The following RBL1 variants were observed in gnomAD, a reference collection of about 807,000 sequenced individuals.
The protein encoded by RBL1 is RB transcriptional corepressor like 1.
In RBL1, 82 loss-of-function variants were observed where a neutral mutation model predicts 123.0. The ratio of observed to expected loss-of-function variants is 0.67; its 90% confidence interval spans 0.56 to 0.80. The LOEUF (loss-of-function observed/expected upper bound fraction) is 0.80. Ranked by LOEUF, RBL1 falls within the 30% of genes least tolerant of loss-of-function variation. The pLI, the probability that RBL1 is intolerant of heterozygous loss-of-function variation, is 0.00. For missense variants in RBL1, 1,171 were observed against 1,299.6 expected (o/e 0.90, Z 1.52); for synonymous variants, 405 against 441.3 (o/e 0.92, Z 1.03).
Position 37,052,741 on chromosome 20 carries a change from C to T in RBL1, c.1467+2812G>A, listed in dbSNP as rs2064938989. Among the ~76,000 whole-genome samples, 4 of 152,166 alleles carry T rather than the reference C, an allele frequency of 2.6e-5. No homozygotes were observed. In the South Asian group the frequency reaches 8.3e-4, roughly 32 times the overall value. On this transcript the variant is annotated intron_variant, in intron 11 of 21. Coordinates refer to ENST00000373664, the MANE Select transcript of RBL1 (RefSeq NM_002895.5). ...GTCAGGCTGGTCTCGAACTCCTGACCTCAGGTGATCCACTTGCCTCAGTCT... is the reference window on the plus strand; with the variant it reads ...GTCAGGCTGGTCTCGAACTCCTGACTTCAGGTGATCCACTTGCCTCAGTCT...
intron 19 of RBL1, among the ~76,000 whole-genome samples, chr20:37,012,405 A>T (rs1336909927): frequency 6.9e-6 from 1 of 145,004 alleles, no homozygotes; most frequent in African/African-American, 2.6e-5. Context: ...CCGCCATCCC[A>T]TCTAGGAAGT....
intron 12 of RBL1, among the ~76,000 whole-genome samples, chr20:37,045,601 G>C (rs927298267): frequency 6.6e-6 from 1 of 151,916 alleles, no homozygotes; most frequent in Non-Finnish European, 1.5e-5. Context: ...GAAAAAAAAG[G>C]CATTTAGCTG....
intron 18 of RBL1, among the ~76,000 whole-genome samples, chr20:37,020,071 A>C (rs1450014366): frequency 1.3e-5 from 2 of 150,362 alleles, no homozygotes; most frequent in Non-Finnish European, 3.0e-5. Flanking sequence ...AAAGAATATT[A>C]TTATTATTAT....
chr20:37,039,603 T>TC (rs1486527670), intron 14 of RBL1, among the ~76,000 whole-genome samples: 2 of 152,222 alleles, frequency 1.3e-5, no homozygotes, highest in Non-Finnish European at 2.9e-5. Context: ...TCCACCATGA[T>TC]CGTGAGGCCT....
intron 2 of RBL1, among the ~76,000 whole-genome samples, chr20:37,069,991 G>C (rs1227766341): frequency 1.3e-5 from 2 of 152,180 alleles, no homozygotes; most frequent in African/African-American, 2.4e-5. Flanking sequence ...CATTGAGAAC[G>C]GGCCAGGATG....
intron 20 of RBL1, among the ~76,000 whole-genome samples, chr20:37,007,111 TG>T (rs1485459476): frequency 1.3e-5 from 2 of 151,788 alleles, no homozygotes; most frequent in Non-Finnish European, 2.9e-5. Flanking sequence ...TAGCTAGGCG[TG>T]GGGGCATGTG....
intron 2 of RBL1, among the ~76,000 whole-genome samples, chr20:37,068,899 G>A (rs1416802735): frequency 6.6e-6 from 1 of 152,220 alleles, no homozygotes; most frequent in African/African-American, 2.4e-5. Flanking sequence ...CTCATGCTGA[G>A]CCGAAGCTGG....
chr20:37,062,012 T>C (rs1242620268), intron 8 of RBL1, 72 bp downstream of exon 8: 1 of 1,399,640 alleles, frequency 7.1e-7, no homozygotes, highest in Non-Finnish European at 9.5e-7. Context: ...GAAAGATGCT[T>C]CTGCTGTTAG....
At chr20:37,076,486 G>C (rs1170285254) in intron 2 of RBL1, among the ~76,000 whole-genome samples, 2 of 152,218 alleles carry the variant, frequency 1.3e-5, no homozygotes, top group Non-Finnish European at 2.9e-5. Context: ...CAGGCAGGTA[G>C]CATACACAGC....
chr20:37,088,094 C>T (rs955829986), intron 2 of RBL1, among the ~76,000 whole-genome samples: 6 of 151,850 alleles, frequency 4.0e-5, no homozygotes, highest in Admixed American at 2.6e-4. Flanking sequence ...GGAGTAACTC[C>T]GTCTCTACTA....
intron 2 of RBL1, 139 bp downstream of exon 2, chr20:37,088,850 G>C (rs1380674134): frequency 1.9e-6 from 1 of 516,022 alleles, no homozygotes; most frequent in Admixed American, 5.0e-5. Flanking sequence ...CTGGCACAGT[G>C]AGACTGCGTC....
chr20:37,077,008 C>T (rs939164373), intron 2 of RBL1, among the ~76,000 whole-genome samples: 12 of 150,186 alleles, frequency 8.0e-5, no homozygotes, highest in Non-Finnish European at 1.6e-4. Context: ...ACAATCGCGG[C>T]TCACTGCAAT....
intron 16 of RBL1, among the ~76,000 whole-genome samples, chr20:37,028,777 AC>A (rs1418156114): frequency 6.6e-6 from 1 of 152,172 alleles, no homozygotes; most frequent in Non-Finnish European, 1.5e-5. Flanking sequence ...ACAGAATCAA[AC>A]CCTGTGAGCC....
intron 15 of RBL1, 53 bp downstream of exon 15, chr20:37,035,189 T>A: frequency 6.7e-7 from 1 of 1,501,692 alleles, no homozygotes; most frequent in East Asian, 2.3e-5. Context: ...ACTAAGACAT[T>A]TCTTAAATTT....
chr20:37,049,353 G>T (rs368446103), intron 11 of RBL1: 28 of 695,818 alleles, frequency 4.0e-5, no homozygotes, highest in East Asian at 3.5e-4. Flanking sequence ...CCAGGATAAG[G>T]AAGGAATTCC....
chr20:37,048,901 T>TAA (rs948529702), intron 11 of RBL1, among the ~76,000 whole-genome samples: 11 of 111,266 alleles, frequency 9.9e-5, no homozygotes, highest in East Asian at 2.6e-4. Context: ...ACCATCGTAT[T>TAA]AAAAAAAAAA....
chr20:36,999,753 C>G (rs1177840363), intron 21 of RBL1, among the ~76,000 whole-genome samples: 1 of 152,232 alleles, frequency 6.6e-6, no homozygotes, highest in Non-Finnish European at 1.5e-5. Flanking sequence ...CTCGGCCTCC[C>G]GAGGTGCCGG....
chr20:37,043,505 A>G (rs988580192), intron 13 of RBL1, among the ~76,000 whole-genome samples: 2 of 150,976 alleles, frequency 1.3e-5, no homozygotes, highest in Non-Finnish European at 3.0e-5. Context: ...AAAGAAAAAC[A>G]GAAAGAAAAA....
intron 1 of RBL1, among the ~76,000 whole-genome samples, chr20:37,095,480 C>T (rs550544166): frequency 6.6e-6 from 1 of 152,230 alleles, no homozygotes; most frequent in African/African-American, 2.4e-5. Context: ...GATTTAAGGG[C>T]AGCACCATGA....
Sources: allele counts gnomAD v4.1 joint callset (sites outside exome capture counted in the v4.1 genomes callset), GRCh38; gene constraint gnomAD v4.1.1; transcripts MANE v1.5; gene names NCBI Gene and HGNC (gene_info 2026-07-23, HGNC 2026-07-21).